The following MKLN1 variants were observed in gnomAD, a reference collection of about 807,000 sequenced individuals.
MKLN1 encodes muskelin.
In MKLN1, 18 loss-of-function variants were observed where a neutral mutation model predicts 99.0. The ratio of observed to expected loss-of-function variants is 0.18; its 90% CI spans 0.13 to 0.27. The LOEUF (loss-of-function observed/expected upper bound fraction) is 0.27, where lower values mean the gene tolerates loss of function less well. Among genes scored for constraint, MKLN1 ranks in the 10% least tolerant of loss-of-function variants. The pLI is 1.00. For missense variants in MKLN1, 621 were observed against 875.9 expected (o/e 0.71, Z 3.67); for synonymous variants, 288 against 293.2 (o/e 0.98, Z 0.18).
At chr7:131,207,489 C>T (rs185273428) in intron 3 of MKLN1, among the ~76,000 whole-genome samples, 2 of 152,224 alleles carry the variant, frequency 1.3e-5, no homozygotes, top group East Asian at 3.9e-4. Flanking sequence ...TGAGCCACCG[C>T]GCTGGACTAT....
At chr7:131,469,822 A>G (rs1475318731) in intron 15 of MKLN1, among the ~76,000 whole-genome samples, 5 of 151,954 alleles carry the variant, frequency 3.3e-5, no homozygotes, top group Non-Finnish European at 4.4e-5. Context: ...AGATACTTAT[A>G]GATTTTTGTT....
At chr7:131,302,068 G>T (rs750370934) in intron 3 of MKLN1, among the ~76,000 whole-genome samples, 5 of 152,234 alleles carry the variant, frequency 3.3e-5, no homozygotes, top group African/African-American at 4.8e-5. Flanking sequence ...CTAGATGATT[G>T]TGCTACAGGG....
intron 4 of MKLN1, among the ~76,000 whole-genome samples, chr7:131,396,372 T>G (rs922745162): frequency 1.3e-5 from 2 of 152,128 alleles, no homozygotes; most frequent in Non-Finnish European, 2.9e-5. Context: ...TGCTCCTGGC[T>G]CTCTTGAATT....
At chr7:131,396,380 A>G (rs1396929574) in intron 4 of MKLN1, among the ~76,000 whole-genome samples, 1 of 152,046 alleles carries the variant, frequency 6.6e-6, no homozygotes, top group East Asian at 1.9e-4. Flanking sequence ...GCTCTCTTGA[A>G]TTTTTTTAGG....
At chr7:131,124,955 G>T (rs977664835) in intron 1 of MKLN1, among the ~76,000 whole-genome samples, 4 of 152,172 alleles carry the variant, frequency 2.6e-5, no homozygotes, top group African/African-American at 9.7e-5. Flanking sequence ...GAGACACAAG[G>T]TTTTGCAGAG....
chr7:131,392,551 T>G (rs1794224871), intron 4 of MKLN1, among the ~76,000 whole-genome samples: 1 of 152,128 alleles, frequency 6.6e-6, no homozygotes, highest in African/African-American at 2.4e-5. Flanking sequence ...GAATAGTAGA[T>G]GCACTCTTTC....
intron 3 of MKLN1, among the ~76,000 whole-genome samples, chr7:131,234,373 A>G (rs1797286472): frequency 6.6e-6 from 1 of 152,052 alleles, no homozygotes; most frequent in Admixed American, 6.5e-5. Flanking sequence ...AAGCATTCAC[A>G]TTTCTGTTTA....
intron 12 of MKLN1, among the ~76,000 whole-genome samples, chr7:131,460,157 G>C (rs1796473075): frequency 6.6e-6 from 1 of 151,978 alleles, no homozygotes. Flanking sequence ...TCTCCTCAAG[G>C]ATACTCATAG....
At chr7:131,393,016 C>T (rs1389995008) in intron 4 of MKLN1, among the ~76,000 whole-genome samples, 1 of 152,048 alleles carries the variant, frequency 6.6e-6, no homozygotes, top group African/African-American at 2.4e-5. Context: ...CCGGCCTCAG[C>T]CTCCCTAGTA....
intron 3 of MKLN1, among the ~76,000 whole-genome samples, chr7:131,245,972 C>T (rs1305793583): frequency 6.6e-6 from 1 of 152,232 alleles, no homozygotes; most frequent in Non-Finnish European, 1.5e-5. Flanking sequence ...GATTGCTGTG[C>T]ACCTGTGATG....
intron 3 of MKLN1, among the ~76,000 whole-genome samples, chr7:131,283,136 T>C (rs1798076366): frequency 6.6e-6 from 1 of 152,134 alleles, no homozygotes. Context: ...ATTATACAGA[T>C]CAAACTTTTA....
chr7:131,397,223 T>G, intron 4 of MKLN1, 44 bp from the exon 5 acceptor site: 2 of 1,247,330 alleles, frequency 1.6e-6, no homozygotes, highest in Non-Finnish European at 2.3e-6. Context: ...TTATTTGAAC[T>G]GTGTTAATAT....
At chr7:131,337,128 T>C (rs1460359701) in intron 1 of MKLN1, among the ~76,000 whole-genome samples, 1 of 152,190 alleles carries the variant, frequency 6.6e-6, no homozygotes, top group East Asian at 1.9e-4. Context: ...ACTTTCTTGT[T>C]CAGCTGCCTT....
At chr7:131,298,198 G>C (rs1048872977) in intron 3 of MKLN1, among the ~76,000 whole-genome samples, 1 of 152,078 alleles carries the variant, frequency 6.6e-6, no homozygotes. Context: ...GTGAACCCAG[G>C]AGGTGGAGCT....
At chr7:131,175,490 TA>T (rs1160894980) in intron 2 of MKLN1, among the ~76,000 whole-genome samples, 2 of 152,208 alleles carry the variant, frequency 1.3e-5, no homozygotes, top group Non-Finnish European at 2.9e-5. Flanking sequence ...ATTGATACCC[TA>T]AAATAATGCT....
intron 3 of MKLN1, among the ~76,000 whole-genome samples, chr7:131,250,936 AT>A (rs61277190): frequency 0.1 from 15,197 of 148,668 alleles, 826 homozygotes; most frequent in Middle Eastern, 0.14. Flanking sequence ...TGGGAAGTTA[AT>A]TTTTTTTTTT....
intron 1 of MKLN1, among the ~76,000 whole-genome samples, chr7:131,123,244 G>A (rs1054679356): frequency 1.3e-5 from 2 of 152,038 alleles, no homozygotes; most frequent in African/African-American, 2.4e-5. Flanking sequence ...TTATACCAAA[G>A]ATCAGCAAAC....
intron 1 of MKLN1, among the ~76,000 whole-genome samples, chr7:131,362,281 A>G (rs1031525761): frequency 3.9e-5 from 6 of 152,014 alleles, no homozygotes; most frequent in African/African-American, 1.2e-4. Context: ...ACTCCATTAT[A>G]TAGCTCTATT....
intron 2 of MKLN1, among the ~76,000 whole-genome samples, chr7:131,150,457 A>T (rs1795872600): frequency 6.6e-6 from 1 of 152,170 alleles, no homozygotes. Flanking sequence ...ACTGCACTCC[A>T]GCTTGGGTGA....
Sources: allele counts gnomAD v4.1 joint callset (sites outside exome capture counted in the v4.1 genomes callset), GRCh38; gene constraint gnomAD v4.1.1; transcripts MANE v1.5; gene names NCBI Gene and HGNC (gene_info 2026-07-23, HGNC 2026-07-21).